The following MRC1 variants were observed in gnomAD, a reference collection of about 807,000 sequenced individuals.
MRC1 encodes the protein macrophage mannose receptor 1.
A neutral mutation model predicts 102.9 loss-of-function variants in MRC1; 62 were observed. The ratio of observed to expected loss-of-function variants is 0.60; its 90% CI spans 0.49 to 0.74. MRC1 has a LOEUF of 0.74. Among genes scored for constraint, MRC1 ranks in the 30% least tolerant of loss-of-function variants. The pLI, the probability that MRC1 is intolerant of heterozygous loss-of-function variation, is 0.00. For missense variants in MRC1, 1,237 were observed against 862.8 expected (o/e 1.43, Z -5.43); for synonymous variants, 457 against 298.4 (o/e 1.53, Z -5.48).
chr10:17,858,472 T>C (rs951201881), intron 9 of MRC1, among the ~76,000 whole-genome samples: 31 of 152,276 alleles, frequency 2.0e-4, no homozygotes, highest in African/African-American at 6.7e-4. Context: ...ATTTTATTTG[T>C]TGACTTTGCT....
Position 17,823,409 on chromosome 10 carries a change from T to A in MRC1, c.397T>A (p.Ser133Thr). The A allele has an allele frequency of 1.3e-6, 1 of 780,772 alleles. No homozygotes were observed. Among genetic ancestry groups the A allele is most frequent in the South Asian group, 1.3e-5 (1 of 74,602 alleles). 48.4% of individuals were successfully genotyped at this position (780,772 alleles called of 1,614,324 possible). A position where few individuals can be genotyped will look rare whatever the true frequency, so the allele number is the denominator to read the frequency against. The stretch of plus-strand genomic sequence containing the variant: ...AAAGAATATTATGCTCTACAAGGGA[T>A]CGGGTTTATGGAGCAGGTGGAAGAT... ...QEKNIMLYKG[S>T]GLWSRWKIYG... Residue 133 changes from serine to threonine, a missense_variant, in exon 2 of 30, where the codon TCG becomes ACG. Transcript: ENST00000569591.
At chr10:17,825,955 T>G (rs1589165777) in intron 2 of MRC1, among the ~76,000 whole-genome samples, 1 of 152,268 alleles carries the variant, frequency 6.6e-6, no homozygotes, top group East Asian at 1.9e-4. Context: ...TTCCCATAAC[T>G]TAGTGGAACT....
intron 6 of MRC1, among the ~76,000 whole-genome samples, chr10:17,847,030 C>T (rs1253296910): frequency 1.3e-5 from 2 of 152,096 alleles, no homozygotes; most frequent in South Asian, 2.1e-4. Flanking sequence ...GATATAGATG[C>T]GGGACCTGGA....
intron 10 of MRC1, chr10:17,863,196 G>A (rs1342260096): frequency 1.1e-4 from 29 of 269,382 alleles, no homozygotes; most frequent in Non-Finnish European, 2.8e-5. Flanking sequence ...TTAAAACATT[G>A]TATTTTAAAA....
chr10:17,833,914 A>T, intron 4 of MRC1, 75 bp downstream of exon 4: 1 of 758,146 alleles, frequency 1.3e-6, no homozygotes, highest in South Asian at 1.4e-5. Context: ...AGTCAACAGC[A>T]CAAGTGTTTA....
rs972568845 is a variant in MRC1 at position 17,895,115 on chromosome 10, T to C, written c.3250+803T>C. ...CTGTAGTCCCAGCTACCTGGGAGACTGAGGTGAGAGGATCACTTGTGCCAG... is the reference window on the plus strand; with the variant it reads ...CTGTAGTCCCAGCTACCTGGGAGACCGAGGTGAGAGGATCACTTGTGCCAG... On this transcript the variant is annotated intron_variant, in intron 23 of 29. Coordinates refer to ENST00000569591, the MANE Select transcript of MRC1 (RefSeq NM_002438.4). Among the ~76,000 whole-genome samples the C allele has an allele frequency of 2.7e-3, 412 of 152,238 alleles. 2 individuals are homozygous for C. The South Asian group carries it at 0.03, about 11-fold the overall frequency.
intron 26 of MRC1, among the ~76,000 whole-genome samples, chr10:17,904,226 A>G (rs1409359756): frequency 6.6e-6 from 1 of 152,078 alleles, no homozygotes; most frequent in African/African-American, 2.4e-5. Context: ...TCCTTTATTG[A>G]TGCTCTTTAT....
At chr10:17,903,392 C>CTTTTTTTTTTTTTTTTTTTTTTTTTTTT (rs35118275) in intron 26 of MRC1, among the ~76,000 whole-genome samples, 3 of 88,862 alleles carry the variant, frequency 3.4e-5, no homozygotes, top group Non-Finnish European at 4.4e-5. Context: ...CTTTTTTTTT[C>CTTTTTTTTTTTTTTTTTTTTTTTTTTTT]TTTTTTTTTT....
chr10:17,825,496 C>A (rs1331756295), intron 2 of MRC1, among the ~76,000 whole-genome samples: 1 of 152,062 alleles, frequency 6.6e-6, no homozygotes, highest in Non-Finnish European at 1.5e-5. Flanking sequence ...ATCCCAGCAC[C>A]TTGGGAGGCT....
chr10:17,861,354 G>A, intron 9 of MRC1, 33 bp from the exon 10 acceptor site: 1 of 838,328 alleles, frequency 1.2e-6, no homozygotes, highest in Non-Finnish European at 2.1e-6. Flanking sequence ...CATGAACTCT[G>A]CTCATTTATT....
At position 17,870,366 on chromosome 10, in the gene MRC1, T is replaced by A. The variant is rs1423204027; in HGVS notation, c.2104T>A (p.Leu702Ile). 1 of 780,382 alleles carries A rather than the reference T, an allele frequency of 1.3e-6. No individual in the cohort carries two copies. The highest frequency in any genetic ancestry group is 2.4e-5 in the East Asian group (1 of 41,224). 48.3% of individuals were successfully genotyped at this position (780,382 alleles called of 1,614,324 possible). A position where few individuals can be genotyped will look rare whatever the true frequency, so the allele number is the denominator to read the frequency against. Residue 702 changes from leucine to isoleucine, a missense_variant, in exon 13 of 30, where the codon TTA (leucine) becomes ATA (isoleucine). Transcript: ENST00000569591. ...AGAGGAACAGCAAACAATATGGCGA[T>A]TAATAACGTAAGTGGTATTTTTATG... ...NKEEQQTIWRLITASGSYHKL... is the reference protein window; with the variant it reads ...NKEEQQTIWRIITASGSYHKL...
intron 20 of MRC1, 59 bp from the exon 21 acceptor site, chr10:17,881,008 A>G: frequency 1.3e-6 from 1 of 778,204 alleles, no homozygotes; most frequent in Non-Finnish European, 2.4e-6. Context: ...AGCAAAGTTG[A>G]TCATCTTTAG....
At chr10:17,891,834 G>A (rs1355261850) in intron 22 of MRC1, among the ~76,000 whole-genome samples, 7 of 152,082 alleles carry the variant, frequency 4.6e-5, no homozygotes, top group African/African-American at 1.7e-4. Context: ...ACAGTTCTTC[G>A]GCTGTATCTG....
intron 3 of MRC1, among the ~76,000 whole-genome samples, chr10:17,828,243 A>G (rs1305771732): frequency 6.7e-6 from 1 of 150,012 alleles, no homozygotes; most frequent in Non-Finnish European, 1.5e-5. Context: ...CGCCTGGCTA[A>G]TTTTTTGTAT....
chr10:17,908,884 CT>C (rs1406848341), intron 28 of MRC1, among the ~76,000 whole-genome samples: 1 of 152,108 alleles, frequency 6.6e-6, no homozygotes, highest in Non-Finnish European at 1.5e-5. Flanking sequence ...TCTTATTTTA[CT>C]TTTCATTCAA....
chr10:17,856,590 G>A (rs1465089566), intron 9 of MRC1, among the ~76,000 whole-genome samples: 1 of 152,108 alleles, frequency 6.6e-6, no homozygotes, highest in Non-Finnish European at 1.5e-5. Flanking sequence ...GAATGTCATG[G>A]GAATTGGAAG....
chr10:17,898,874 C>T (rs1229059456), intron 24 of MRC1, among the ~76,000 whole-genome samples: 3 of 152,132 alleles, frequency 2.0e-5, no homozygotes, highest in African/African-American at 7.2e-5. Context: ...ATCTGTCCTC[C>T]CTCTATTCAT....
chr10:17,858,480 G>A (rs1230380299), intron 9 of MRC1, among the ~76,000 whole-genome samples: 1 of 151,924 alleles, frequency 6.6e-6, no homozygotes, highest in Non-Finnish European at 1.5e-5. Flanking sequence ...TGTTGACTTT[G>A]CTCCCTGGTG....
At chr10:17,850,255 A>AGTTTTTTT (rs1334143040) in intron 7 of MRC1, among the ~76,000 whole-genome samples, 2 of 40,552 alleles carry the variant, frequency 4.9e-5, no homozygotes, top group Non-Finnish European at 9.5e-5. Context: ...AAAATATAGG[A>AGTTTTTTT]GTTTTTTTTT....
Sources: gnomAD v4.1 joint callset for allele counts (sites outside exome capture counted in the v4.1 genomes callset) on GRCh38, gnomAD v4.1.1 for gene constraint, MANE v1.5 for transcripts, NCBI Gene and HGNC (gene_info 2026-07-23, HGNC 2026-07-21) for gene names.